Variants in SLCO3A1 observed in about 807,000 individuals in gnomAD.
SLCO3A1 encodes solute carrier organic anion transporter family member 3A1.
In SLCO3A1, 27 loss-of-function variants were observed where a neutral mutation model predicts 63.1. The ratio of observed to expected loss-of-function variants is 0.43; its 90% CI spans 0.32 to 0.59. SLCO3A1 has a LOEUF of 0.59. Ranked by LOEUF, SLCO3A1 falls within the 20% of genes least tolerant of loss-of-function variation. The probability of loss-of-function intolerance (pLI) is 0.09; values close to 1 mark genes in which losing one functional copy is unlikely to be tolerated. For synonymous variants in SLCO3A1, 473 were observed against 409.9 expected, an observed-to-expected ratio of 1.15 and a Z score of -1.86; for missense variants, 773 against 945.8, an observed-to-expected ratio of 0.82 and a Z score of 2.40.
chr15:92,029,658 C>T (rs1016010741), intron 2 of SLCO3A1, among the ~76,000 whole-genome samples: 10 of 147,016 alleles, frequency 6.8e-5, no homozygotes, highest in African/African-American at 1.8e-4. Flanking sequence ...TTTTTTTTCC[C>T]CTCCTTGTAT....
intron 2 of SLCO3A1, among the ~76,000 whole-genome samples, chr15:91,918,393 T>A (rs1898730893): frequency 1.3e-5 from 2 of 152,212 alleles, no homozygotes; most frequent in Non-Finnish European, 2.9e-5. Context: ...TTGCATGACA[T>A]ACGAACATCT....
chr15:92,074,564 G>C (rs932415882), intron 2 of SLCO3A1, among the ~76,000 whole-genome samples: 1 of 152,136 alleles, frequency 6.6e-6, no homozygotes, highest in African/African-American at 2.4e-5. Context: ...AGTCTGTCTT[G>C]TTACCTTTTT....
chr15:92,022,241 A>G (rs28484860), intron 2 of SLCO3A1, among the ~76,000 whole-genome samples: 2,636 of 152,332 alleles, frequency 0.017, 76 homozygotes, highest in African/African-American at 0.061. Context: ...GCCTCCAGCT[A>G]TATATAACTT....
chr15:91,957,146 A>AAT lies in SLCO3A1; in HGVS notation c.646+40701_646+40702dup, dbSNP rs1189742840. ...ATATAATATATATACTATATATTAT[A>AAT]ATATATATATATATTTTTTTTTTTA... On this transcript the variant is annotated intron_variant, in intron 2 of 9. Coordinates refer to ENST00000318445, the MANE Select transcript of SLCO3A1 (RefSeq NM_013272.4). Among the ~76,000 whole-genome samples, 211 of 38,302 alleles carry AAT rather than the reference A, an allele frequency of 5.5e-3. 33 individuals are homozygous for AAT. The highest frequency in any genetic ancestry group is 7.0e-3 in the Non-Finnish European group (180 of 25,614). 25.1% of individuals were successfully genotyped at this position (38,302 alleles called of 152,430 possible). A position where few individuals can be genotyped will look rare whatever the true frequency, so the allele number is the denominator to read the frequency against.
At chr15:92,150,867 C>T (rs1342104296) in intron 8 of SLCO3A1, 83 bp from the exon 9 acceptor site, 1 of 889,122 alleles carries the variant, frequency 1.1e-6, no homozygotes, top group Non-Finnish European at 1.8e-6. Flanking sequence ...TGATGGACAG[C>T]AGCAAATGAC....
At chr15:92,092,433 A>T (rs2047488747) in intron 2 of SLCO3A1, among the ~76,000 whole-genome samples, 1 of 152,064 alleles carries the variant, frequency 6.6e-6, no homozygotes, top group Admixed American at 6.5e-5. Flanking sequence ...CACCCATGGC[A>T]AGAGAATTGT....
intron 5 of SLCO3A1, among the ~76,000 whole-genome samples, chr15:92,122,289 C>T (rs2047871817): frequency 6.6e-6 from 1 of 152,178 alleles, no homozygotes; most frequent in South Asian, 2.1e-4. Flanking sequence ...TACAGCTCCA[C>T]AGACTTCGTC....
chr15:92,157,532 G>A (rs937422710), intron 9 of SLCO3A1, among the ~76,000 whole-genome samples: 16 of 147,794 alleles, frequency 1.1e-4, no homozygotes, highest in African/African-American at 3.3e-4. Context: ...AGTCTGTCAC[G>A]CAGGATGGAG....
At chr15:91,868,691 AG>A (rs2141852550) in intron 1 of SLCO3A1, among the ~76,000 whole-genome samples, 1 of 152,262 alleles carries the variant, frequency 6.6e-6, no homozygotes, top group South Asian at 2.1e-4. Context: ...CTCATCTCTA[AG>A]ATTGGGATGA....
chr15:91,999,653 G>T (rs1381198214), intron 2 of SLCO3A1, among the ~76,000 whole-genome samples: 1 of 152,238 alleles, frequency 6.6e-6, no homozygotes, highest in Non-Finnish European at 1.5e-5. Context: ...CTAGCCAGGG[G>T]CAGTGGTGCA....
At position 91,914,626 on chromosome 15, in the gene SLCO3A1, G is replaced by T. The variant is rs1898594134; in HGVS notation, c.181-1367G>T. 2.1e-5 allele frequency among the ~76,000 whole-genome samples: 3 copies of T among 145,250 alleles called. No homozygotes were observed. In the Admixed American group the frequency reaches 2.1e-4, roughly 10 times the overall value. On this transcript the variant is annotated intron_variant, in intron 1 of 9. Coordinates refer to ENST00000318445, the MANE Select transcript of SLCO3A1 (RefSeq NM_013272.4). ...GCTCTGTTGCCCAAACTGGAGTGCA[G>T]TGGTGTGATCTCAGCTCACTGCAAC...
intron 2 of SLCO3A1, among the ~76,000 whole-genome samples, chr15:92,015,213 C>T (rs1014277103): frequency 1.4e-4 from 22 of 152,078 alleles, no homozygotes; most frequent in East Asian, 3.9e-4. Flanking sequence ...AGGAGCTTTC[C>T]GTAGGTCCTG....
intron 2 of SLCO3A1, among the ~76,000 whole-genome samples, chr15:91,991,209 A>G (rs1386451154): frequency 2.0e-5 from 3 of 152,154 alleles, no homozygotes; most frequent in Non-Finnish European, 4.4e-5. Context: ...GTGTCTACAA[A>G]AAAATCAAAA....
At chr15:91,905,069 C>G (rs889242647) in intron 1 of SLCO3A1, among the ~76,000 whole-genome samples, 1 of 152,170 alleles carries the variant, frequency 6.6e-6, no homozygotes, top group Admixed American at 6.5e-5. Context: ...CCCTAACATT[C>G]CACATCATTG....
chr15:91,995,921 C>T (rs1006876077), intron 2 of SLCO3A1, among the ~76,000 whole-genome samples: 1 of 151,968 alleles, frequency 6.6e-6, no homozygotes, highest in African/African-American at 2.4e-5. Flanking sequence ...ATTCAAGAAC[C>T]AAACACATGG....
chr15:92,016,254 T>TTGATTAGA (rs1555424442), intron 2 of SLCO3A1, among the ~76,000 whole-genome samples: 16 of 95,708 alleles, frequency 1.7e-4, no homozygotes, highest in Non-Finnish European at 2.6e-4. Flanking sequence ...GATAGATAGA[T>TTGATTAGA]TAGATAGATA....
chr15:92,092,024 C>T (rs1055057569), intron 2 of SLCO3A1, among the ~76,000 whole-genome samples: 1 of 152,238 alleles, frequency 6.6e-6, no homozygotes, highest in African/African-American at 2.4e-5. Flanking sequence ...ACTGGCCCAT[C>T]TGGGCCCTGT....
chr15:91,856,361 C>T lies in SLCO3A1; in HGVS notation c.180+2273C>T, dbSNP rs1896920545. ...TAAGGGCTCTGCTTTGCCCGGCTGC[C>T]CTCGTCTTTGCCTTGCCATCGGAGC... is the stretch of plus-strand genomic sequence containing the variant. On this transcript the variant is annotated intron_variant, in intron 1 of 9. Transcript: ENST00000318445. This position sits in a 1 kb window ranked among gnomAD's most constrained non-coding sequence, Gnocchi z 4.9. 6.6e-6 allele frequency among the ~76,000 whole-genome samples: 1 copy of T among 152,076 alleles called. No individual in the cohort carries two copies. Among genetic ancestry groups the T allele is most frequent in the Non-Finnish European group, 1.5e-5 (1 of 68,030 alleles).
intron 1 of SLCO3A1, among the ~76,000 whole-genome samples, chr15:91,908,274 T>C (rs902857277): frequency 6.7e-6 from 1 of 148,868 alleles, no homozygotes; most frequent in Non-Finnish European, 1.5e-5. Context: ...TCTGTGTCTA[T>C]GAGATTCTCC....
Sources: allele counts gnomAD v4.1 joint callset (sites outside exome capture counted in the v4.1 genomes callset), GRCh38; gene constraint gnomAD v4.1.1; non-coding constraint Gnocchi (gnomAD v3.1); transcripts MANE v1.5; gene names NCBI Gene and HGNC (gene_info 2026-07-23, HGNC 2026-07-21).